Variants in CCDC201 observed in about 807,000 individuals in gnomAD.
CCDC201 encodes coiled-coil domain-containing protein 201.
the CCDC201 span, among the ~76,000 whole-genome samples, chr7:45,884,026 TCTTCCTTC>T: frequency 7.3e-3 from 1,074 of 147,500 alleles, 12 homozygotes; most frequent in Middle Eastern, 0.05. Flanking sequence ...TCTCTCTCTT[TCTTCCTTC>T]CTTCCTTCCT....
intron 2 of CCDC201, among the ~76,000 whole-genome samples, chr7:45,865,410 C>T (rs569465930): frequency 6.6e-6 from 1 of 152,302 alleles, no homozygotes; most frequent in Non-Finnish European, 1.5e-5. Context: ...GTGGGACATC[C>T]CTGTCACAAT....
At chr7:45,874,662 C>T (rs1363641880), upstream of CCDC201, among the ~76,000 whole-genome samples, 1 of 152,208 alleles carries the variant, frequency 6.6e-6, no homozygotes, top group African/African-American at 2.4e-5. Context: ...CTGGGTTCTT[C>T]CTGAGGCTTC....
chr7:45,884,676 C>T, the CCDC201 span, among the ~76,000 whole-genome samples: 1 of 152,192 alleles, frequency 6.6e-6, no homozygotes, highest in Admixed American at 6.5e-5. Flanking sequence ...CATCCCTTTG[C>T]TGCTTGGGGG....
chr7:45,866,491 G>A (rs2116519302), exon 2 of CCDC201: 1 of 152,338 alleles, frequency 6.6e-6, no homozygotes, highest in Non-Finnish European at 1.5e-5. Flanking sequence ...CTCAATCCTA[G>A]ATCCTGCAAA....
upstream of CCDC201, among the ~76,000 whole-genome samples, chr7:45,875,037 T>C (rs565275429): frequency 3.3e-5 from 5 of 152,310 alleles, no homozygotes; most frequent in East Asian, 9.6e-4. Flanking sequence ...TAAATTAGAA[T>C]GAGTCTGAGG....
At chr7:45,873,396 A>AT (rs1554348090), upstream of CCDC201, among the ~76,000 whole-genome samples, 2 of 151,340 alleles carry the variant, frequency 1.3e-5, no homozygotes, top group African/African-American at 4.9e-5. Flanking sequence ...AAAAAAAAAA[A>AT]ACACGTTTCC....
At chr7:45,885,093 G>A in the CCDC201 span, among the ~76,000 whole-genome samples, 1 of 152,294 alleles carries the variant, frequency 6.6e-6, no homozygotes, top group East Asian at 1.9e-4. Flanking sequence ...TTTCCGGGAT[G>A]GATGGAAGAG....
At chr7:45,871,350 A>T (rs1786740974) in intron 1 of CCDC201, among the ~76,000 whole-genome samples, 1 of 151,740 alleles carries the variant, frequency 6.6e-6, no homozygotes, top group Non-Finnish European at 1.5e-5. Context: ...GGAATCTAAG[A>T]TTTTAAAAAT....
the CCDC201 span, among the ~76,000 whole-genome samples, chr7:45,880,800 C>A: frequency 3.9e-5 from 6 of 152,170 alleles, no homozygotes; most frequent in Non-Finnish European, 7.3e-5. Context: ...GCCTGGGGAC[C>A]TGAGGACAGT....
At chr7:45,880,370 T>C in the CCDC201 span, among the ~76,000 whole-genome samples, 1 of 152,392 alleles carries the variant, frequency 6.6e-6, no homozygotes, top group Non-Finnish European at 1.5e-5. Flanking sequence ...AGTAACATGC[T>C]GTGGTTTTCA....
intron 1 of CCDC201, among the ~76,000 whole-genome samples, chr7:45,872,241 C>T (rs1429434673): frequency 2.0e-5 from 3 of 152,248 alleles, no homozygotes; most frequent in South Asian, 2.1e-4. Flanking sequence ...AGCCCAGGCA[C>T]GGGAAACTAG....
upstream of CCDC201, among the ~76,000 whole-genome samples, chr7:45,874,959 A>G (rs1786783883): frequency 6.6e-6 from 1 of 152,226 alleles, no homozygotes; most frequent in Non-Finnish European, 1.5e-5. Flanking sequence ...ACTGGTAGCC[A>G]TGGAGTGTTA....
upstream of CCDC201, among the ~76,000 whole-genome samples, chr7:45,876,194 C>T (rs543532265): frequency 6.6e-5 from 10 of 152,158 alleles, no homozygotes; most frequent in South Asian, 4.1e-4. Flanking sequence ...TTGTAGAGGA[C>T]GAAGAAACCA....
chr7:45,869,116 T>G (rs1786713566), intron 1 of CCDC201, among the ~76,000 whole-genome samples: 1 of 152,230 alleles, frequency 6.6e-6, no homozygotes, highest in African/African-American at 2.4e-5. Context: ...AATATTTGAA[T>G]GTGGCATAAT....
intron 1 of CCDC201, among the ~76,000 whole-genome samples, chr7:45,868,287 G>A (rs576272542): frequency 6.6e-6 from 1 of 152,268 alleles, no homozygotes; most frequent in South Asian, 2.1e-4. Flanking sequence ...GTGTCCTCCA[G>A]ATACAGAATA....
chr7:45,875,620 G>A (rs370263816), upstream of CCDC201, among the ~76,000 whole-genome samples: 1 of 152,174 alleles, frequency 6.6e-6, no homozygotes, highest in South Asian at 2.1e-4. Context: ...GAATAAGAGT[G>A]TTTGAAGGTA....
At chr7:45,863,883 G>C (rs1786633120) in intron 2 of CCDC201, among the ~76,000 whole-genome samples, 1 of 152,178 alleles carries the variant, frequency 6.6e-6, no homozygotes, top group Admixed American at 6.5e-5. Context: ...AGCTGTAAGA[G>C]CAGAAGGCCT....
chr7:45,871,514 A>C (rs1786742724), intron 1 of CCDC201, among the ~76,000 whole-genome samples: 1 of 152,218 alleles, frequency 6.6e-6, no homozygotes, highest in Non-Finnish European at 1.5e-5. Flanking sequence ...CTATCAGTGC[A>C]TTATCTATAA....
the CCDC201 span, among the ~76,000 whole-genome samples, chr7:45,883,552 C>A: frequency 6.6e-6 from 1 of 152,116 alleles, no homozygotes; most frequent in East Asian, 1.9e-4. Context: ...TGACGACTCC[C>A]AAAGACCACA....
Sources: allele counts gnomAD v4.1 joint callset (sites outside exome capture counted in the v4.1 genomes callset), GRCh38; gene constraint gnomAD v4.1.1; transcripts MANE v1.5; gene names NCBI Gene and HGNC (gene_info 2026-07-23, HGNC 2026-07-21).